RNF19B: variants seen among roughly 807,000 people sequenced by gnomAD.
RNF19B encodes the protein E3 ubiquitin-protein ligase RNF19B.
RNF19B carries 23 observed loss-of-function variants against 65.5 expected under a neutral mutation model. The ratio of observed to expected loss-of-function variants is 0.35; its 90% CI spans 0.25 to 0.50. The LOEUF (loss-of-function observed/expected upper bound fraction) is 0.50. RNF19B is among the 20% of genes least tolerant of loss of function. The pLI, the probability that RNF19B is intolerant of heterozygous loss-of-function variation, is 0.98. For synonymous variants in RNF19B, 372 were observed against 379.6 expected, an observed-to-expected ratio of 0.98 and a Z score of 0.23; for missense variants, 794 against 980.0, an observed-to-expected ratio of 0.81 and a Z score of 2.53.
At chr1:32,941,317 G>A (rs1642225271) in intron 7 of RNF19B, among the ~76,000 whole-genome samples, 1 of 152,110 alleles carries the variant, frequency 6.6e-6, no homozygotes, top group South Asian at 2.1e-4. Flanking sequence ...GGCTGAGGCG[G>A]GTGGATCACA....
Position 32,955,566 on chromosome 1 carries a change from C to CA in RNF19B, c.636-5793dup, listed in dbSNP as rs201046456. ...GCAACATGGCAAAACCCCATCTCTA[C>CA]AAAAAAAAAAAATACAAAAATTAGC... is the stretch of plus-strand genomic sequence containing the variant. On this transcript the variant is annotated intron_variant, in intron 1 of 8. Transcript: ENST00000235150. Among the ~76,000 whole-genome samples the CA allele has an allele frequency of 5.4e-3, 737 of 137,474 alleles. 12 individuals carry two copies. In the East Asian group the frequency reaches 0.08, roughly 15 times the overall value. 90.2% of individuals were successfully genotyped at this position (137,474 alleles called of 152,430 possible). A position where few individuals can be genotyped will look rare whatever the true frequency, so the allele number is the denominator to read the frequency against.
chr1:32,964,439 C>T lies in RNF19B; in HGVS notation c.247G>A (p.Glu83Lys), dbSNP rs1298514018. Reference protein sequence around the residue: ...QGPPPEALPAEPAAEAEAEAA... With the variant: ...QGPPPEALPAKPAAEAEAEAA... ...TCCGCCTCGGCCTCGGCGGCCGGCT[C>T]GGCGGGCAGCGCCTCGGGCGGCGGG... The change falls in exon 1 of 9, where the codon GAG becomes AAG. Residue 83 changes from glutamate to lysine, a missense_variant. Glu to Lys is a moderately conservative substitution (Grantham distance 56). Transcript: ENST00000235150. This position sits in a 1 kb window ranked among gnomAD's most constrained non-coding sequence, Gnocchi z 6.5. 66 of 1,113,874 alleles carry T rather than the reference C, an allele frequency of 5.9e-5. No individual in the cohort carries two copies. Among genetic ancestry groups the T allele is most frequent in the Middle Eastern group, 3.7e-4 (1 of 2,672 alleles). 69.0% of individuals were successfully genotyped at this position (1,113,874 alleles called of 1,614,324 possible).
At position 32,964,214 on chromosome 1, in the gene RNF19B, T is replaced by G; in HGVS notation, c.472A>C (p.Arg158=). Residue 158 remains arginine, a synonymous_variant, in exon 1 of 9, where the codon AGG becomes CGG. Transcript: ENST00000235150. The surrounding 1 kb of genome is among the most constrained non-coding windows in gnomAD (Gnocchi z 6.5). ...HYLRLEISES[R]VPISCPECSE... ...CACTCGGGGCAGCTGATGGGCACCC[T>G]GCTCTCGCTTATCTCCAGGCGCAGG... 1.9e-6 allele frequency: 3 copies of G among 1,546,472 alleles called. No homozygotes were observed. Among genetic ancestry groups the G allele is most frequent in the Non-Finnish European group, 2.6e-6 (3 of 1,145,358 alleles).
chr1:32,942,270 C>T lies in RNF19B; in HGVS notation c.1592G>A (p.Gly531Asp), dbSNP rs1246379945. ...TGTTTACCTGCTATATTTTCCCTTGCCACTGGAGAGAATGCCGCCACTCAG... is the reference window on the plus strand; with the variant it reads ...TGTTTACCTGCTATATTTTCCCTTGTCACTGGAGAGAATGCCGCCACTCAG... ...GTLSGGILSS[G>D]KGKYSRLEVQ... is the part of the protein sequence containing the mutation. Residue 531 changes from glycine to aspartate, a missense_variant, in exon 7 of 9, where the codon GGC becomes GAC. Around this residue, in one of 3 missense-constraint regions of RNF19B, gnomAD observed 368 missense variants for 447.3 expected, o/e 0.82. Transcript: ENST00000235150. The T allele has an allele frequency of 1.9e-6, 3 of 1,610,634 alleles. No homozygotes were observed. Among genetic ancestry groups the T allele is most frequent in the Non-Finnish European group, 1.7e-6 (2 of 1,177,118 alleles).
At chr1:32,942,916 G>A (rs1482322926) in intron 6 of RNF19B, among the ~76,000 whole-genome samples, 5 of 152,092 alleles carry the variant, frequency 3.3e-5, no homozygotes, top group Admixed American at 2.0e-4. Flanking sequence ...CGAGGCGGGC[G>A]GATCACGAGG....
downstream of RNF19B, among the ~76,000 whole-genome samples, chr1:32,935,690 A>C (rs1642086403): frequency 6.6e-6 from 1 of 152,174 alleles, no homozygotes; most frequent in African/African-American, 2.4e-5. Context: ...TATGCGCATC[A>C]GTGTATTTCT....
intron 1 of RNF19B, among the ~76,000 whole-genome samples, chr1:32,955,861 C>T (rs1247135504): frequency 5.9e-5 from 9 of 152,164 alleles, no homozygotes; most frequent in African/African-American, 2.2e-4. Context: ...CTACTCTGCT[C>T]TTTTAGCTTA....
the RNF19B span, among the ~76,000 whole-genome samples, chr1:32,929,681 T>C: frequency 6.6e-6 from 1 of 152,182 alleles, no homozygotes; most frequent in Non-Finnish European, 1.5e-5. Context: ...ACCCCCTTTT[T>C]CAAGGGCTTC....
chr1:32,955,956 G>A (rs1046979277), intron 1 of RNF19B, among the ~76,000 whole-genome samples: 2 of 152,168 alleles, frequency 1.3e-5, no homozygotes, highest in African/African-American at 2.4e-5. Context: ...ACAGCTGGGT[G>A]CAGTGGCTCA....
intron 1 of RNF19B, among the ~76,000 whole-genome samples, chr1:32,961,015 CA>C (rs5773391): frequency 0.36 from 53,562 of 150,510 alleles, 9,642 homozygotes; most frequent in Admixed American, 0.43. Context: ...GACGCTGTCT[CA>C]AAAAAAAAGA....
At chr1:32,938,615 C>G in intron 7 of RNF19B, 87 bp from the exon 8 acceptor site, 1 of 1,382,118 alleles carries the variant, frequency 7.2e-7, no homozygotes, top group Non-Finnish European at 1.0e-6. Context: ...TTCCATTACT[C>G]TCTTGCAAAT....
chr1:32,950,123 C>T (rs1230149266), intron 1 of RNF19B, among the ~76,000 whole-genome samples: 1 of 152,170 alleles, frequency 6.6e-6, no homozygotes. Flanking sequence ...GTGCAAGCCA[C>T]CACGCCTGGC....
chr1:32,961,881 T>C (rs1375035443), intron 1 of RNF19B, among the ~76,000 whole-genome samples: 4 of 151,886 alleles, frequency 2.6e-5, no homozygotes, highest in Admixed American at 2.0e-4. Flanking sequence ...AGGGACCTTT[T>C]CCAGAAAGAT....
intron 1 of RNF19B, 49 bp from the exon 2 acceptor site, chr1:32,949,823 C>G: frequency 7.2e-7 from 1 of 1,396,006 alleles, no homozygotes; most frequent in Non-Finnish European, 1.0e-6. Flanking sequence ...AATGATCTAA[C>G]CAAAAGAGAC....
intron 8 of RNF19B, among the ~76,000 whole-genome samples, chr1:32,937,799 T>G (rs1642140291): frequency 6.6e-6 from 1 of 152,144 alleles, no homozygotes; most frequent in African/African-American, 2.4e-5. Flanking sequence ...TGTGCTCAGA[T>G]GCACACACAC....
downstream of RNF19B, among the ~76,000 whole-genome samples, chr1:32,935,252 C>T (rs1287377599): frequency 1.3e-5 from 2 of 152,138 alleles, no homozygotes; most frequent in African/African-American, 4.8e-5. Context: ...ATTCTCCTGC[C>T]TCAGCCTCCC....
Position 32,945,529 on chromosome 1 carries a change from C to A in RNF19B, c.1246G>T (p.Ala416Ser). The A allele has an allele frequency of 6.2e-7, 1 of 1,609,756 alleles. No homozygotes were observed. The highest frequency in any genetic ancestry group is 8.5e-7 in the Non-Finnish European group (1 of 1,176,066). Reference protein sequence around the residue: ...TLSVIASPVIAAVSVGIGVPI... With the variant: ...TLSVIASPVISAVSVGIGVPI... ...ACTAGCTTACCAACACTAACTGCAGCAATAACTGGGGATGCAATGACCGAC... is the reference window on the plus strand; with the variant it reads ...ACTAGCTTACCAACACTAACTGCAGAAATAACTGGGGATGCAATGACCGAC... Residue 416 changes from alanine (A) to serine (S), a missense_variant, in exon 5 of 9, where the codon GCT becomes TCT. Physicochemically the swap from Ala to Ser is moderately conservative, Grantham distance 99 (BLOSUM62 1). This residue lies in a region of RNF19B where 368 missense variants were observed against 447.3 expected (regional missense o/e 0.82). Transcript: ENST00000235150.
intron 7 of RNF19B, among the ~76,000 whole-genome samples, chr1:32,939,046 A>G (rs1452405532): frequency 2.6e-5 from 4 of 152,212 alleles, no homozygotes; most frequent in Non-Finnish European, 4.4e-5. Flanking sequence ...TGCACATGCT[A>G]TTCTGTCTCT....
At chr1:32,942,534 C>T (rs1378422207) in intron 6 of RNF19B, 75 bp from the exon 7 acceptor site, 5 of 1,281,058 alleles carry the variant, frequency 3.9e-6, no homozygotes, top group South Asian at 2.6e-5. Context: ...CCTGCAATGA[C>T]TTTTCAGAGA....
Sources: gnomAD v4.1 joint callset for allele counts (sites outside exome capture counted in the v4.1 genomes callset) on GRCh38, gnomAD v4.1.1 for gene constraint, gnomAD v4.1.1 regional missense constraint, Gnocchi (gnomAD v3.1) non-coding constraint, MANE v1.5 for transcripts, NCBI Gene and HGNC (gene_info 2026-07-23, HGNC 2026-07-21) for gene names.